KCNMB4: variants seen among roughly 807,000 people sequenced by gnomAD.
KCNMB4 encodes calcium-activated potassium channel subunit beta-4.
Under a neutral mutation model 20.7 loss-of-function variants are expected in KCNMB4, and 3 were observed. The ratio of observed to expected loss-of-function variants is 0.14; its 90% CI spans 0.07 to 0.37. KCNMB4 has a LOEUF of 0.37. Ranked by LOEUF, KCNMB4 falls within the 10% of genes least tolerant of loss-of-function variation. The pLI is 1.00. For synonymous variants in KCNMB4, 110 were observed against 113.4 expected (o/e 0.97, Z 0.19); for missense variants, 168 against 265.9 (o/e 0.63, Z 2.56).
rs199783287 is a variant in KCNMB4, at chr12:70,428,854, C to CA, written c.465-1624dup. 4.2e-3 allele frequency among the ~76,000 whole-genome samples: 639 copies of CA among 152,034 alleles called. 4 individuals are homozygous for CA. Among genetic ancestry groups the CA allele is most frequent in the African/African-American group, 0.014 (601 of 41,480 alleles). ...AGATAATTTCGTGCTATAAGAATTC[C>CA]AAAAAAAGGCAATTTCTGAAAGCTG... On this transcript the variant is annotated intron_variant, in intron 2 of 2. Coordinates refer to ENST00000258111, the MANE Select transcript of KCNMB4 (RefSeq NM_014505.6).
At chr12:70,391,957 G>C (rs1263721903) in intron 1 of KCNMB4, among the ~76,000 whole-genome samples, 1 of 152,166 alleles carries the variant, frequency 6.6e-6, no homozygotes, top group Non-Finnish European at 1.5e-5. Flanking sequence ...GCTCTCTTTA[G>C]AAAACATATT....
intron 1 of KCNMB4, among the ~76,000 whole-genome samples, chr12:70,383,030 G>C (rs1471483726): frequency 6.6e-6 from 1 of 152,128 alleles, no homozygotes; most frequent in East Asian, 1.9e-4. Flanking sequence ...AGAATGGTAA[G>C]TTTTTGTGTA....
At position 70,400,267 on chromosome 12, in the gene KCNMB4, A is replaced by G. The variant is rs1001504659; in HGVS notation, c.395A>G (p.Asn132Ser). The change falls in exon 2 of 3, where the codon AAT becomes AGT. Residue 132 changes from asparagine to serine, a missense_variant. Asn to Ser is a conservative substitution (Grantham distance 46). Coordinates refer to ENST00000258111, the MANE Select transcript of KCNMB4 (RefSeq NM_014505.6). ...ENQKNLESVM[N>S]WQQYWKDEIG... ...CAGAAGAATTTGGAAAGTGTCATGA[A>G]TTGGCAACAGTACTGGAAAGATGAG... 3 of 1,613,094 alleles carry G rather than the reference A, an allele frequency of 1.9e-6. No homozygotes were observed. In the African/African-American group the frequency reaches 4.0e-5, roughly 21 times the overall value.
rs780649197 is a variant in KCNMB4, at chr12:70,366,716, C to G, written c.-19C>G. On this transcript the variant is annotated 5_prime_UTR_variant, in exon 1 of 3. Transcript: ENST00000258111. ...GGAGGGGGCGGGGGGAGCACGCCAG[C>G]CGCCGAGAGTGGGGGGCGATGGCGA... is the stretch of plus-strand genomic sequence containing the variant. 2 of 1,534,834 alleles carry G rather than the reference C, an allele frequency of 1.3e-6. No homozygotes were observed. The highest frequency in any genetic ancestry group is 3.7e-5 in the Admixed American group (2 of 54,786).
At chr12:70,367,887 A>G (rs1382067658) in intron 1 of KCNMB4, among the ~76,000 whole-genome samples, 1 of 151,934 alleles carries the variant, frequency 6.6e-6, no homozygotes, top group Non-Finnish European at 1.5e-5. Context: ...AAAAAAAAAG[A>G]TAAAACCTGG....
intron 2 of KCNMB4, among the ~76,000 whole-genome samples, chr12:70,412,220 A>G (rs1868798307): frequency 6.6e-6 from 1 of 152,230 alleles, no homozygotes; most frequent in South Asian, 2.1e-4. Context: ...GTTCTGGGAA[A>G]GCCTTTGCTT....
At chr12:70,398,628 C>CTA (rs34371173) in intron 1 of KCNMB4, among the ~76,000 whole-genome samples, 85,340 of 151,926 alleles carry the variant, frequency 0.56, 25,218 homozygotes, top group African/African-American at 0.75. Context: ...TTTATAATGT[C>CTA]TATATTTTTT....
chr12:70,378,244 CCGCGCCCGGCCTT>C, intron 1 of KCNMB4, among the ~76,000 whole-genome samples: 1 of 152,064 alleles, frequency 6.6e-6, no homozygotes. Flanking sequence ...GCATGAGCCA[CCGCGCCCGGCCTT>C]CAAGCTCTAC....
chr12:70,400,995 C>T (rs1413026786), intron 2 of KCNMB4, among the ~76,000 whole-genome samples: 1 of 152,066 alleles, frequency 6.6e-6, no homozygotes, highest in African/African-American at 2.4e-5. Flanking sequence ...TCATTTTTCT[C>T]CTTTGTACTT....
chr12:70,413,929 T>C (rs75912031), intron 2 of KCNMB4, among the ~76,000 whole-genome samples: 15,041 of 152,208 alleles, frequency 0.099, 905 homozygotes, highest in Admixed American at 0.19. Flanking sequence ...AGAGAGTTTC[T>C]GTCTGGTGAG....
At chr12:70,394,355 T>C (rs1370722718) in intron 1 of KCNMB4, among the ~76,000 whole-genome samples, 2 of 152,144 alleles carry the variant, frequency 1.3e-5, no homozygotes, top group South Asian at 2.1e-4. Context: ...GGCACTACTC[T>C]TTCTGCCCAG....
intron 2 of KCNMB4, among the ~76,000 whole-genome samples, chr12:70,415,239 C>T (rs745565386): frequency 6.6e-6 from 1 of 152,182 alleles, no homozygotes; most frequent in Non-Finnish European, 1.5e-5. Flanking sequence ...TGGCAAGTGA[C>T]AGAGCCAGGA....
intron 2 of KCNMB4, among the ~76,000 whole-genome samples, chr12:70,424,607 G>A (rs148986626): frequency 0.016 from 2,445 of 152,014 alleles, 64 homozygotes; most frequent in African/African-American, 0.056. Flanking sequence ...AAAATTAGCC[G>A]GATGTGGTGG....
At chr12:70,409,373 T>G (rs1868704220) in intron 2 of KCNMB4, among the ~76,000 whole-genome samples, 1 of 152,218 alleles carries the variant, frequency 6.6e-6, no homozygotes, top group African/African-American at 2.4e-5. Context: ...TTTGTTTTGC[T>G]TTGTTTAAGC....
At chr12:70,373,759 C>T (rs1053691582) in intron 1 of KCNMB4, among the ~76,000 whole-genome samples, 9 of 152,086 alleles carry the variant, frequency 5.9e-5, no homozygotes, top group African/African-American at 1.9e-4. Flanking sequence ...TGGCTCTTAC[C>T]TATAATCCCA....
intron 2 of KCNMB4, among the ~76,000 whole-genome samples, chr12:70,408,392 C>T (rs1382941150): frequency 1.3e-5 from 2 of 152,188 alleles, no homozygotes; most frequent in Non-Finnish European, 2.9e-5. Context: ...TTAAAGAAAC[C>T]TTTCGATTTC....
At chr12:70,394,541 A>G (rs1005587825) in intron 1 of KCNMB4, among the ~76,000 whole-genome samples, 2 of 152,216 alleles carry the variant, frequency 1.3e-5, no homozygotes, top group Admixed American at 1.3e-4. Context: ...TTTTTAGCTG[A>G]CATATAATTT....
In KCNMB4 at chr12:70,432,328, G is replaced by C. The variant is rs953366078; in HGVS notation, c.*1675G>C. The C allele has an allele frequency of 7.2e-5, 11 of 152,140 alleles. No homozygotes were observed. The highest frequency in any genetic ancestry group is 2.7e-4 in the African/African-American group (11 of 41,428). The allele number at this position is 152,140 out of a possible 1,614,324, so 9.4% of individuals were successfully genotyped here. A position where few individuals can be genotyped will look rare whatever the true frequency, so the allele number is the denominator to read the frequency against. On this transcript the variant is annotated 3_prime_UTR_variant, in exon 3 of 3. Transcript: ENST00000258111. ...ACAGGCCAATGTTTTCTTAATCTTA[G>C]AATGTGAATAACTGAAAATCATAGT...
At chr12:70,408,240 G>A (rs1418255931) in intron 2 of KCNMB4, among the ~76,000 whole-genome samples, 1 of 152,138 alleles carries the variant, frequency 6.6e-6, no homozygotes, top group African/African-American at 2.4e-5. Context: ...AGAGGAAACA[G>A]GAGTGCTGTT....
Sources: allele counts gnomAD v4.1 joint callset (sites outside exome capture counted in the v4.1 genomes callset), GRCh38; gene constraint gnomAD v4.1.1; transcripts MANE v1.5; gene names NCBI Gene and HGNC (gene_info 2026-07-23, HGNC 2026-07-21).